The following MTUS2 variants were observed in gnomAD, a reference collection of about 807,000 sequenced individuals.
MTUS2 encodes the protein microtubule associated scaffold protein 2, also known as microtubule-associated tumor suppressor candidate 2.
A neutral mutation model predicts 114.1 loss-of-function variants in MTUS2; 40 were observed. That is an observed-to-expected ratio of 0.35 (90% CI 0.27 to 0.46). The LOEUF (loss-of-function observed/expected upper bound fraction) is 0.46. Among genes scored for constraint, MTUS2 ranks in the 20% least tolerant of loss-of-function variants. The pLI, the probability that MTUS2 is intolerant of heterozygous loss-of-function variation, is 1.00. For missense variants in MTUS2, 1,679 were observed against 1,705.4 expected (o/e 0.98, Z 0.27); for synonymous variants, 688 against 672.0 (o/e 1.02, Z -0.37).
chr13:29,142,001 A>G (rs946805986), intron 5 of MTUS2, among the ~76,000 whole-genome samples: 3 of 151,848 alleles, frequency 2.0e-5, no homozygotes, highest in Non-Finnish European at 4.4e-5. Flanking sequence ...CTGGGACTAC[A>G]GGCACCCACC....
chr13:29,104,979 T>C (rs1000261663), intron 5 of MTUS2, among the ~76,000 whole-genome samples: 9 of 152,194 alleles, frequency 5.9e-5, no homozygotes, highest in African/African-American at 2.2e-4. Flanking sequence ...TACTATTACC[T>C]AATGTGTATA....
intron 5 of MTUS2, among the ~76,000 whole-genome samples, chr13:29,116,290 C>T (rs1891082563): frequency 6.6e-6 from 1 of 152,164 alleles, no homozygotes; most frequent in African/African-American, 2.4e-5. Context: ...TAAATATATG[C>T]AATAAATTTA....
intron 4 of MTUS2, among the ~76,000 whole-genome samples, chr13:29,097,350 CTGGGAAGA>C (rs1890220918): frequency 6.6e-6 from 1 of 152,192 alleles, no homozygotes; most frequent in African/African-American, 2.4e-5. Context: ...GTTTGTTTCA[CTGGGAAGA>C]GTGTCCATGG....
At chr13:29,218,172 C>T (rs932750120) in intron 5 of MTUS2, among the ~76,000 whole-genome samples, 2 of 152,076 alleles carry the variant, frequency 1.3e-5, no homozygotes, top group Non-Finnish European at 1.5e-5. Flanking sequence ...ACCTAAAAAC[C>T]CCAGTGTTTA....
chr13:29,238,467 C>G (rs1057465563), intron 5 of MTUS2, among the ~76,000 whole-genome samples: 3 of 152,184 alleles, frequency 2.0e-5, no homozygotes, highest in Non-Finnish European at 2.9e-5. Flanking sequence ...GGCCAAAGGT[C>G]CAAGAGCCCC....
At chr13:29,304,660 G>A (rs1899357787) in intron 6 of MTUS2, among the ~76,000 whole-genome samples, 1 of 152,156 alleles carries the variant, frequency 6.6e-6, no homozygotes. Flanking sequence ...GACCTGCTAA[G>A]GGACTTAAAC....
intron 2 of MTUS2, among the ~76,000 whole-genome samples, chr13:28,900,046 C>G (rs1440740366): frequency 6.6e-6 from 1 of 151,874 alleles, no homozygotes; most frequent in African/African-American, 2.4e-5. Flanking sequence ...CACCACCATG[C>G]CTGACTAATT....
chr13:28,922,563 G>A (rs628460), intron 2 of MTUS2, among the ~76,000 whole-genome samples: 132,549 of 152,154 alleles, frequency 0.87, 57,994 homozygotes, highest in East Asian at 0.91. Context: ...CTCTGGGTGG[G>A]CATCTGCTGG....
intron 2 of MTUS2, among the ~76,000 whole-genome samples, chr13:28,891,563 G>C (rs1173191127): frequency 6.6e-6 from 1 of 152,100 alleles, no homozygotes; most frequent in African/African-American, 2.4e-5. Context: ...GCAATGTGCT[G>C]AAAGGAGAAG....
chr13:29,098,593 A>C (rs1414572556), intron 4 of MTUS2, among the ~76,000 whole-genome samples: 2 of 152,136 alleles, frequency 1.3e-5, no homozygotes, highest in Non-Finnish European at 2.9e-5. Flanking sequence ...TGTGCTTGGG[A>C]TCTTGTGCTG....
At chr13:29,420,124 G>C (rs1342219628) in intron 8 of MTUS2, among the ~76,000 whole-genome samples, 2 of 152,096 alleles carry the variant, frequency 1.3e-5, no homozygotes, top group African/African-American at 4.8e-5. Flanking sequence ...AGAAAACTGA[G>C]GTTCTGAGAG....
At chr13:29,486,016 CT>C (rs902466716) in intron 10 of MTUS2, among the ~76,000 whole-genome samples, 2 of 152,100 alleles carry the variant, frequency 1.3e-5, no homozygotes, top group Admixed American at 6.6e-5. Flanking sequence ...AAGATATTTC[CT>C]TTTTTAAACC....
intron 8 of MTUS2, among the ~76,000 whole-genome samples, chr13:29,410,196 C>A (rs1353326414): frequency 6.6e-6 from 1 of 151,792 alleles, no homozygotes; most frequent in Non-Finnish European, 1.5e-5. Flanking sequence ...ACCGTCTCAG[C>A]TCACTGCAAC....
At chr13:29,239,630 A>G (rs1027739970) in intron 5 of MTUS2, 1 of 152,246 alleles carries the variant, frequency 6.6e-6, no homozygotes, top group Non-Finnish European at 1.5e-5. Flanking sequence ...GGACGGGCAG[A>G]TGGACAGAAC....
intron 2 of MTUS2, among the ~76,000 whole-genome samples, chr13:28,845,693 C>T (rs2138006884): frequency 6.6e-6 from 1 of 151,056 alleles, no homozygotes; most frequent in South Asian, 2.1e-4. Context: ...ACTTGCTATA[C>T]ATGTTGCTCA....
At chr13:29,092,076 A>G (rs1374311512) in intron 4 of MTUS2, among the ~76,000 whole-genome samples, 1 of 152,242 alleles carries the variant, frequency 6.6e-6, no homozygotes, top group Non-Finnish European at 1.5e-5. Context: ...TTATGATAGC[A>G]GCAGGAGGCA....
chr13:29,038,735 C>T lies in MTUS2; in HGVS notation c.2446+4610C>T, dbSNP rs188762325. Among the ~76,000 whole-genome samples the T allele has an allele frequency of 1.1e-3, 163 of 152,366 alleles. 3 individuals are homozygous for T. In the East Asian group the frequency reaches 0.022, roughly 21 times the overall value. On this transcript the variant is annotated intron_variant, in intron 4 of 15. Transcript: ENST00000612955. ...GCTGCTGCCTTTCTTTCAGAGATGCCCTGCCCAGACGGGAGGAATCTAGAG... is the reference window on the plus strand; with the variant it reads ...GCTGCTGCCTTTCTTTCAGAGATGCTCTGCCCAGACGGGAGGAATCTAGAG...
intron 5 of MTUS2, among the ~76,000 whole-genome samples, chr13:29,193,980 A>C (rs1894559295): frequency 6.6e-6 from 1 of 152,040 alleles, no homozygotes; most frequent in Non-Finnish European, 1.5e-5. Flanking sequence ...CCTGAGAAAA[A>C]CAAGCAATGG....
Position 29,365,322 on chromosome 13 carries a change from T to C in MTUS2, c.3117+5849T>C, listed in dbSNP as rs376846994. On this transcript the variant is annotated intron_variant, in intron 8 of 15. Coordinates refer to ENST00000612955, the MANE Select transcript of MTUS2 (RefSeq NM_001033602.4). ...GAAAATGAAACTCAGAATAGCGAAG[T>C]CTTCTCAACATTCATGGAAGATCCT... Among the ~76,000 whole-genome samples the C allele has an allele frequency of 7.9e-5, 12 of 152,256 alleles. No individual in the cohort carries two copies. In the East Asian group the frequency reaches 2.3e-3, roughly 29 times the overall value.
Sources: allele counts gnomAD v4.1 joint callset (sites outside exome capture counted in the v4.1 genomes callset), GRCh38; gene constraint gnomAD v4.1.1; transcripts MANE v1.5; gene names NCBI Gene and HGNC (gene_info 2026-07-23, HGNC 2026-07-21).